Variants in COG3 observed in about 807,000 individuals in gnomAD.
COG3 encodes the protein component of oligomeric golgi complex 3.
COG3 carries 32 observed loss-of-function variants against 114.1 expected under a neutral mutation model. The observed-to-expected ratio is 0.28, with a 90% CI of 0.21 to 0.38. The LOEUF (loss-of-function observed/expected upper bound fraction) is 0.38, where lower values mean the gene tolerates loss of function less well. COG3 is among the 10% of genes least tolerant of loss of function. The pLI, the probability that COG3 is intolerant of heterozygous loss-of-function variation, is 1.00. For synonymous variants in COG3, 352 were observed against 365.7 expected (o/e 0.96, Z 0.43); for missense variants, 813 against 973.2 (o/e 0.84, Z 2.19).
At chr13:45,494,218 G>A (rs991406415) in intron 12 of COG3, among the ~76,000 whole-genome samples, 17 of 151,638 alleles carry the variant, frequency 1.1e-4, no homozygotes, top group Non-Finnish European at 1.6e-4. Context: ...TCAACTACTC[G>A]GGAGGCTTAG....
rs910648995 is a variant in COG3, at chr13:45,529,690, T to A, written c.2231-101T>A. ...ATTCTTTGGGGAAATAAAGAGTCTT[T>A]TCTTCTGCTATTTTTTTCTCCCTTT... On this transcript the variant is annotated intron_variant, in intron 20 of 22. Coordinates refer to ENST00000349995, the MANE Select transcript of COG3 (RefSeq NM_031431.4). 8.7e-6 allele frequency: 7 copies of A among 802,484 alleles called. No individual in the cohort carries two copies. The African/African-American group carries it at 1.1e-4, about 12-fold the overall frequency. 49.7% of individuals were successfully genotyped at this position (802,484 alleles called of 1,614,324 possible).
At chr13:45,505,531 C>T (rs1426079255) in intron 14 of COG3, among the ~76,000 whole-genome samples, 1 of 152,114 alleles carries the variant, frequency 6.6e-6, no homozygotes, top group Non-Finnish European at 1.5e-5. Context: ...TCTCGAACTC[C>T]TGACCTCAAG....
chr13:45,496,953 G>A (rs1430103216), intron 13 of COG3, among the ~76,000 whole-genome samples: 1 of 152,176 alleles, frequency 6.6e-6, no homozygotes, highest in South Asian at 2.1e-4. Context: ...GATTACTGGC[G>A]TGAGCCACCG....
chr13:45,529,784 T>TA lies in COG3; in HGVS notation c.2231-7_2231-6insA. The TA allele has an allele frequency of 1.2e-6, 2 of 1,602,546 alleles. No homozygotes were observed. Among genetic ancestry groups the TA allele is most frequent in the Non-Finnish European group, 1.7e-6 (2 of 1,174,242 alleles). ...TTATGACACTAATGAGGTTACTTTA[T>TA]TTCCAGCAAAGGTCAATGACCTTGC... On this transcript the variant is annotated splice_polypyrimidine_tract_variant and splice_region_variant and intron_variant, in intron 20 of 22. Transcript: ENST00000349995.
intron 7 of COG3, among the ~76,000 whole-genome samples, chr13:45,486,130 C>A (rs1359826037): frequency 1.5e-5 from 2 of 135,792 alleles, no homozygotes; most frequent in Admixed American, 7.0e-5. Context: ...GCCAACACAG[C>A]GAAACCCCGT....
Position 45,471,621 on chromosome 13 carries a change from T to G in COG3, c.175-4580T>G, listed in dbSNP as rs576511481. 4.9e-4 allele frequency among the ~76,000 whole-genome samples: 75 copies of G among 152,322 alleles called. 1 individual carries two copies. The highest frequency in any genetic ancestry group is 1.7e-3 in the African/African-American group (71 of 41,570). ...TTAATCATTTCTGGAGCACTTCAGT[T>G]TTTTGGGTAGATATGTGTTTTATCT... On this transcript the variant is annotated intron_variant, in intron 1 of 22. Coordinates refer to ENST00000349995, the MANE Select transcript of COG3 (RefSeq NM_031431.4).
intron 7 of COG3, among the ~76,000 whole-genome samples, chr13:45,483,755 A>G (rs1308276054): frequency 6.6e-6 from 1 of 152,182 alleles, no homozygotes; most frequent in African/African-American, 2.4e-5. Context: ...ATGCAAAATT[A>G]TGCATCTCAT....
At position 45,535,525 on chromosome 13, in the gene COG3, G is replaced by A. The variant is rs183357353; in HGVS notation, c.*794G>A. ...GGTGTCTTAAATTTGGCGCATAGAG[G>A]AGAGAAGGAAACCTGAGGAGTAGTG... is the stretch of plus-strand genomic sequence containing the variant. On this transcript the variant is annotated 3_prime_UTR_variant, in exon 23 of 23. Transcript: ENST00000349995. 7 of 985,606 alleles carry A rather than the reference G, an allele frequency of 7.1e-6. No individual in the cohort carries two copies. The Admixed American group carries it at 4.3e-4, about 61-fold the overall frequency. The allele number at this position is 985,606 out of a possible 1,614,324, so 61.1% of individuals were successfully genotyped here. A position where few individuals can be genotyped will look rare whatever the true frequency, so the allele number is the denominator to read the frequency against.
At chr13:45,467,503 A>G (rs1885218264) in intron 1 of COG3, among the ~76,000 whole-genome samples, 1 of 152,244 alleles carries the variant, frequency 6.6e-6, no homozygotes, top group South Asian at 2.1e-4. Context: ...GAGGCATGAG[A>G]ATCACTTGAA....
intron 22 of COG3, among the ~76,000 whole-genome samples, chr13:45,531,636 T>C (rs1488940107): frequency 6.6e-6 from 1 of 152,010 alleles, no homozygotes; most frequent in Non-Finnish European, 1.5e-5. Flanking sequence ...GCCTCCTAAA[T>C]AGCTAGGACT....
chr13:45,484,786 G>A (rs1886473377), intron 7 of COG3, among the ~76,000 whole-genome samples: 1 of 144,178 alleles, frequency 6.9e-6, no homozygotes, highest in Admixed American at 6.9e-5. Context: ...CTTGAGATTA[G>A]GGATTGGTGA....
At chr13:45,498,390 A>T in intron 13 of COG3, among the ~76,000 whole-genome samples, 1 of 104,938 alleles carries the variant, frequency 9.5e-6, no homozygotes, top group Non-Finnish European at 1.9e-5. Context: ...ACATAGTTTC[A>T]CTCTTTTCAC....
intron 1 of COG3, among the ~76,000 whole-genome samples, chr13:45,471,700 T>C (rs1885495791): frequency 6.6e-6 from 1 of 151,856 alleles, no homozygotes; most frequent in African/African-American, 2.4e-5. Context: ...AGTATAGGTC[T>C]GCTGGTAATG....
intron 16 of COG3, among the ~76,000 whole-genome samples, chr13:45,512,620 A>G (rs1202423451): frequency 6.7e-6 from 1 of 148,540 alleles, no homozygotes; most frequent in East Asian, 2.0e-4. Context: ...GGTGTGAGCC[A>G]CTGTGCCTGG....
chr13:45,480,485 T>C (rs181534309), intron 4 of COG3, among the ~76,000 whole-genome samples, 195 bp downstream of exon 4: 61 of 152,356 alleles, frequency 4.0e-4, no homozygotes, highest in African/African-American at 1.4e-3. Context: ...GCAAGCCTTC[T>C]TATGTTTTGA....
In COG3 at chr13:45,518,845, T is replaced by C. The variant is rs1187468365; in HGVS notation, c.2014T>C (p.Leu672=). ...NSNNALIEFL[L]EGTPEIREHY... ...CAACAATGCCTTGATAGAGTTCTTG[T>C]TGGAGGTGAGAAGGAGTCTGTTTCA... Residue 672 remains leucine, a synonymous_variant, in exon 18 of 23, where the codon TTG becomes CTG. Transcript: ENST00000349995. The C allele has an allele frequency of 1.2e-6, 2 of 1,613,648 alleles. No individual in the cohort carries two copies. Among genetic ancestry groups the C allele is most frequent in the Admixed American group, 1.7e-5 (1 of 60,016 alleles).
At chr13:45,498,485 A>G (rs1019630622) in intron 13 of COG3, among the ~76,000 whole-genome samples, 3 of 151,734 alleles carry the variant, frequency 2.0e-5, no homozygotes, top group African/African-American at 7.3e-5. Context: ...TTGTATGTGA[A>G]ACAATTTCTT....
In COG3 at chr13:45,511,872, G is replaced by C; in HGVS notation, c.1809+18G>C. ...AAAACAAGGTTTGATGAAGTGTTAG[G>C]TGAAATCCTGTTTCCTGGTAAAATA... On this transcript the variant is annotated intron_variant, in intron 16 of 22. Coordinates refer to ENST00000349995, the MANE Select transcript of COG3 (RefSeq NM_031431.4). 6.4e-7 allele frequency: 1 copy of C among 1,571,836 alleles called. No individual in the cohort carries two copies. Among genetic ancestry groups the C allele is most frequent in the Non-Finnish European group, 8.8e-7 (1 of 1,141,614 alleles).
chr13:45,501,398 T>A (rs1869517696), intron 13 of COG3, among the ~76,000 whole-genome samples: 1 of 152,224 alleles, frequency 6.6e-6, no homozygotes, highest in Non-Finnish European at 1.5e-5. Flanking sequence ...CGGATATTTA[T>A]TCATACTTTG....
Sources: gnomAD v4.1 joint callset for allele counts (sites outside exome capture counted in the v4.1 genomes callset) on GRCh38, gnomAD v4.1.1 for gene constraint, MANE v1.5 for transcripts, NCBI Gene and HGNC (gene_info 2026-07-23, HGNC 2026-07-21) for gene names.